PSD2: variants seen among roughly 807,000 people sequenced by gnomAD.
PSD2 encodes PH and SEC7 domain-containing protein 2.
Under a neutral mutation model 69.8 loss-of-function variants are expected in PSD2, and 38 were observed. That is an observed-to-expected ratio of 0.54 (90% CI 0.42 to 0.71). The LOEUF (loss-of-function observed/expected upper bound fraction) is 0.71. Among genes scored for constraint, PSD2 ranks in the 30% least tolerant of loss-of-function variants. The pLI, the probability that PSD2 is intolerant of heterozygous loss-of-function variation, is 0.00. For synonymous variants in PSD2, 412 were observed against 423.0 expected, an observed-to-expected ratio of 0.97 and a Z score of 0.32; for missense variants, 943 against 1,014.5, an observed-to-expected ratio of 0.93 and a Z score of 0.96.
chr5:139,817,735 C>T (rs1013638324), intron 5 of PSD2, among the ~76,000 whole-genome samples, 174 bp downstream of exon 5: 7 of 152,150 alleles, frequency 4.6e-5, no homozygotes, highest in Admixed American at 3.9e-4. Flanking sequence ...TAGGCGAGTG[C>T]CCACTTTGTA....
At chr5:139,831,207 C>T (rs1299563911) in intron 7 of PSD2, among the ~76,000 whole-genome samples, 1 of 151,988 alleles carries the variant, frequency 6.6e-6, no homozygotes, top group Non-Finnish European at 1.5e-5. Context: ...TGCTTCTTGC[C>T]TTCGAATCTA....
the PSD2 span, among the ~76,000 whole-genome samples, chr5:139,784,065 C>T: frequency 1.1e-4 from 17 of 151,502 alleles, no homozygotes; most frequent in Non-Finnish European, 2.9e-5. Flanking sequence ...CCCTAGCCTC[C>T]CAAGTAGCTG....
intron 7 of PSD2, among the ~76,000 whole-genome samples, chr5:139,832,512 G>C (rs900088232): frequency 6.6e-6 from 1 of 152,234 alleles, no homozygotes; most frequent in East Asian, 1.9e-4. Flanking sequence ...TGCTAAAATA[G>C]TGCCAATGTC....
At position 139,842,488 on chromosome 5, in the gene PSD2, G is replaced by A; in HGVS notation, c.*14G>A. ...CCTGATACTTAGCTGACATGGATTT[G>A]CAGACCCCAGGGTGGGCAGATGTCT... is the stretch of plus-strand genomic sequence containing the variant. On this transcript the variant is annotated 3_prime_UTR_variant, in exon 15 of 15. Transcript: ENST00000274710. 1 of 1,609,802 alleles carries A rather than the reference G, an allele frequency of 6.2e-7. No individual in the cohort carries two copies. Among genetic ancestry groups the A allele is most frequent in the Non-Finnish European group, 8.5e-7 (1 of 1,177,140 alleles).
chr5:139,781,298 T>C, the PSD2 span, among the ~76,000 whole-genome samples: 2 of 152,112 alleles, frequency 1.3e-5, no homozygotes, highest in Admixed American at 6.6e-5. Context: ...CTGTGGCTGT[T>C]CACCATAGTC....
chr5:139,794,572 T>G (rs1400677400), upstream of PSD2, among the ~76,000 whole-genome samples: 2 of 152,168 alleles, frequency 1.3e-5, no homozygotes, highest in African/African-American at 4.8e-5. Context: ...TAAGGAGGAA[T>G]TTGAGGGTTC....
chr5:139,783,912 C>CTCCCCTT, the PSD2 span, among the ~76,000 whole-genome samples: 2 of 140,562 alleles, frequency 1.4e-5, no homozygotes, highest in African/African-American at 5.4e-5. Context: ...CTTCTTGTTT[C>CTCCCCTT]TCCCCTTTCC....
At chr5:139,817,371 G>A (rs530255820) in intron 4 of PSD2, 110 bp from the exon 5 acceptor site, 13 of 886,550 alleles carry the variant, frequency 1.5e-5, no homozygotes, top group Non-Finnish European at 2.1e-5. Context: ...GGGTTGAGCA[G>A]GTCTAGGGGG....
Position 139,814,320 on chromosome 5 carries a change from C to T in PSD2, c.972C>T (p.Leu324=), listed in dbSNP as rs368265001. The T allele has an allele frequency of 2.7e-5, 44 of 1,612,038 alleles. No individual in the cohort carries two copies. The highest frequency in any genetic ancestry group is 5.5e-5 in the South Asian group (5 of 90,814). Residue 324 remains leucine, a synonymous_variant, in exon 4 of 15, where the codon CTC becomes CTT. Coordinates refer to ENST00000274710, the MANE Select transcript of PSD2 (RefSeq NM_032289.4). This position sits in a 1 kb window ranked among gnomAD's most constrained non-coding sequence, Gnocchi z 4.4. ...GGCTGGCACGCCGTCTCTACCACCT[C>T]GAGGGCTTCCAGCGCTGTGATGTGG... ...AHRLARRLYH[L]EGFQRCDVAR... is the part of the protein sequence containing the mutation.
At chr5:139,767,273 G>C in the PSD2 span, among the ~76,000 whole-genome samples, 4 of 151,552 alleles carry the variant, frequency 2.6e-5, no homozygotes, top group East Asian at 2.0e-4. Context: ...GATTACAGGC[G>C]TGAGCCACCG....
At chr5:139,785,180 T>TTCTCCTCTCC in the PSD2 span, among the ~76,000 whole-genome samples, 9 of 149,328 alleles carry the variant, frequency 6.0e-5, no homozygotes, top group South Asian at 2.1e-4. Context: ...TTGTCTTCTC[T>TTCTCCTCTCC]TCTCCTCTCC....
intron 1 of PSD2, among the ~76,000 whole-genome samples, chr5:139,808,820 T>C (rs1759875434): frequency 6.6e-6 from 1 of 152,242 alleles, no homozygotes; most frequent in Non-Finnish European, 1.5e-5. Context: ...CTTTGGCTTC[T>C]GGGGTGGGCC....
rs145003347 is a variant in PSD2, at chr5:139,813,532, G to T, written c.595G>T (p.Gly199Cys). ...RDSPEPGAGL[G>C]IGDMAFEGDM... ...CAGCCCTGAGCCAGGGGCTGGGTTGGGCATTGGGGACATGGCGTTTGAGGG... is the reference window on the plus strand; with the variant it reads ...CAGCCCTGAGCCAGGGGCTGGGTTGTGCATTGGGGACATGGCGTTTGAGGG... The change falls in exon 3 of 15, where the codon GGC becomes TGC. Residue 199 changes from glycine to cysteine, a missense_variant. Gly to Cys is a radical substitution (Grantham distance 159). This residue lies in a region of PSD2 where 466 missense variants were observed against 445.0 expected (regional missense o/e 1.05). Coordinates refer to ENST00000274710, the MANE Select transcript of PSD2 (RefSeq NM_032289.4). The T allele has an allele frequency of 4.3e-4, 685 of 1,609,978 alleles. 5 individuals are homozygous for T. Among genetic ancestry groups the T allele is most frequent in the Admixed American group, 7.7e-4 (46 of 59,914 alleles).
At chr5:139,786,078 G>A in the PSD2 span, among the ~76,000 whole-genome samples, 1 of 152,078 alleles carries the variant, frequency 6.6e-6, no homozygotes, top group South Asian at 2.1e-4. Flanking sequence ...GACAGAGTGA[G>A]ACCCTGTCTC....
rs749524509 is a variant in PSD2 at position 139,814,158 on chromosome 5, T to C, written c.822-12T>C. On this transcript the variant is annotated splice_polypyrimidine_tract_variant and intron_variant, in intron 3 of 14. Coordinates refer to ENST00000274710, the MANE Select transcript of PSD2 (RefSeq NM_032289.4). This position sits in a 1 kb window ranked among gnomAD's most constrained non-coding sequence, Gnocchi z 4.4. ...CTCTGACGCTACTCTTCCACCCACC[T>C]TCCATCTGCAGTGACCCCAGCCTGA... 1.2e-6 allele frequency: 2 copies of C among 1,610,236 alleles called. No homozygotes were observed. Among genetic ancestry groups the C allele is most frequent in the East Asian group, 4.5e-5 (2 of 44,696 alleles).
At chr5:139,762,623 G>A in the PSD2 span, among the ~76,000 whole-genome samples, 1 of 152,140 alleles carries the variant, frequency 6.6e-6, no homozygotes, top group Admixed American at 6.5e-5. Context: ...GTCACAGAGG[G>A]GTCAACCAAT....
chr5:139,750,758 G>C, the PSD2 span, among the ~76,000 whole-genome samples: 5 of 152,178 alleles, frequency 3.3e-5, no homozygotes, highest in Non-Finnish European at 7.3e-5. Flanking sequence ...AGGAACCCTT[G>C]TGGGGCCTGG....
intron 1 of PSD2, among the ~76,000 whole-genome samples, chr5:139,800,694 T>A (rs72794891): frequency 6.6e-6 from 1 of 152,084 alleles, no homozygotes; most frequent in Admixed American, 6.5e-5. Context: ...ACTCACTGTC[T>A]GCCAGCGTCT....
At chr5:139,797,595 T>C (rs1759562978) in intron 1 of PSD2, among the ~76,000 whole-genome samples, 1 of 152,204 alleles carries the variant, frequency 6.6e-6, no homozygotes, top group African/African-American at 2.4e-5. Context: ...AGAGCAAAGA[T>C]AGCTGGAAGG....
Sources: gnomAD v4.1 joint callset for allele counts (sites outside exome capture counted in the v4.1 genomes callset) on GRCh38, gnomAD v4.1.1 for gene constraint, gnomAD v4.1.1 regional missense constraint, Gnocchi (gnomAD v3.1) non-coding constraint, MANE v1.5 for transcripts, NCBI Gene and HGNC (gene_info 2026-07-23, HGNC 2026-07-21) for gene names.